USP24: variants seen among roughly 807,000 people sequenced by gnomAD.
USP24 encodes the protein ubiquitin carboxyl-terminal hydrolase 24.
In USP24, 97 loss-of-function variants were observed where a neutral mutation model predicts 361.6. The ratio of observed to expected loss-of-function variants is 0.27; its 90% CI spans 0.23 to 0.32. The LOEUF (loss-of-function observed/expected upper bound fraction) is 0.32, where lower values mean the gene tolerates loss of function less well. USP24 is among the 10% of genes least tolerant of loss of function. The pLI is 1.00. For synonymous variants in USP24, 1,098 were observed against 1,124.6 expected, an observed-to-expected ratio of 0.98 and a Z score of 0.47; for missense variants, 2,353 against 3,165.6, an observed-to-expected ratio of 0.74 and a Z score of 6.16.
At chr1:55,073,238 T>TA (rs142132826) in intron 64 of USP24, among the ~76,000 whole-genome samples, 7 of 149,560 alleles carry the variant, frequency 4.7e-5, no homozygotes, top group East Asian at 1.9e-4. Flanking sequence ...TCACCACAAT[T>TA]AAAAAAAAAA....
intron 21 of USP24, among the ~76,000 whole-genome samples, chr1:55,143,752 C>T (rs567816696): frequency 1.3e-5 from 2 of 151,938 alleles, no homozygotes; most frequent in Non-Finnish European, 2.9e-5. Flanking sequence ...GATCCCAGGA[C>T]GAAGACTGTT....
intron 67 of USP24, chr1:55,071,006 G>T: frequency 2.7e-6 from 1 of 367,212 alleles, no homozygotes; most frequent in Non-Finnish European, 3.8e-6. Context: ...ATGAGGTAAT[G>T]TGTGGAGTGA....
At chr1:55,128,479 T>C (rs1646498972) in intron 32 of USP24, among the ~76,000 whole-genome samples, 1 of 152,192 alleles carries the variant, frequency 6.6e-6, no homozygotes, top group African/African-American at 2.4e-5. Flanking sequence ...AGACAGGCGA[T>C]GCGTCTTCAT....
At chr1:55,117,619 T>C (rs895791683) in intron 38 of USP24, among the ~76,000 whole-genome samples, 1 of 151,626 alleles carries the variant, frequency 6.6e-6, no homozygotes, top group African/African-American at 2.4e-5. Flanking sequence ...TCCCAGCTAC[T>C]CGGGAGGCTG....
At chr1:55,127,969 G>A (rs1040021032) in intron 32 of USP24, among the ~76,000 whole-genome samples, 1 of 152,000 alleles carries the variant, frequency 6.6e-6, no homozygotes, top group African/African-American at 2.4e-5. Context: ...TTACTCACAC[G>A]CTCCCAAATC....
chr1:55,162,377 A>G (rs1185895817), intron 7 of USP24, 113 bp from the exon 8 acceptor site: 1 of 813,184 alleles, frequency 1.2e-6, no homozygotes, highest in Non-Finnish European at 1.8e-6. Flanking sequence ...GAGTTGATCA[A>G]GTCATGAATA....
intron 23 of USP24, 29 bp downstream of exon 23, chr1:55,142,713 A>C: frequency 3.6e-6 from 5 of 1,405,112 alleles, no homozygotes; most frequent in Non-Finnish European, 4.8e-6. Flanking sequence ...TTTACCTCAA[A>C]GAGATGTTAA....
chr1:55,101,413 A>G (rs551009056), intron 43 of USP24, among the ~76,000 whole-genome samples, 171 bp downstream of exon 43: 2 of 152,104 alleles, frequency 1.3e-5, no homozygotes, highest in Admixed American at 1.3e-4. Context: ...GCAACTTTAT[A>G]AAAATGTGTG....
intron 20 of USP24, among the ~76,000 whole-genome samples, chr1:55,145,635 T>G (rs542366638): frequency 6.6e-6 from 1 of 152,316 alleles, no homozygotes; most frequent in South Asian, 2.1e-4. Context: ...CTTTAAAAAG[T>G]GAGTTTCATG....
intron 11 of USP24, 100 bp downstream of exon 11, chr1:55,157,156 G>T: frequency 7.5e-7 from 1 of 1,340,904 alleles, no homozygotes; most frequent in Non-Finnish European, 1.0e-6. Context: ...ATCATTTAAA[G>T]ACTAATACAG....
At chr1:55,206,933 G>GA (rs2100941465) in intron 1 of USP24, among the ~76,000 whole-genome samples, 1 of 152,240 alleles carries the variant, frequency 6.6e-6, no homozygotes, top group South Asian at 2.1e-4. Flanking sequence ...TGAGGAGGCT[G>GA]AGGCAGGCAG....
At chr1:55,181,049 G>GT (rs1163741694) in intron 1 of USP24, among the ~76,000 whole-genome samples, 9 of 147,316 alleles carry the variant, frequency 6.1e-5, no homozygotes, top group Non-Finnish European at 9.0e-5. Flanking sequence ...ACACTAGTTT[G>GT]TATTTTTTTT....
chr1:55,188,892 G>A (rs765796372), intron 1 of USP24, among the ~76,000 whole-genome samples: 9 of 149,166 alleles, frequency 6.0e-5, no homozygotes, highest in South Asian at 4.3e-4. Flanking sequence ...CCTGGGAGGC[G>A]GAGGTTGTGG....
chr1:55,150,072 T>C (rs1276556099), intron 16 of USP24, among the ~76,000 whole-genome samples: 1 of 152,188 alleles, frequency 6.6e-6, no homozygotes, highest in Non-Finnish European at 1.5e-5. Flanking sequence ...AGAGAAGGTG[T>C]TTAACTTGTA....
At chr1:55,206,222 T>C (rs1013762336) in intron 1 of USP24, among the ~76,000 whole-genome samples, 1 of 152,318 alleles carries the variant, frequency 6.6e-6, no homozygotes, top group South Asian at 2.1e-4. Flanking sequence ...GAGATAAAAA[T>C]AGTCCTGCTC....
chr1:55,177,912 C>T, intron 2 of USP24, 55 bp downstream of exon 2: 1 of 1,497,208 alleles, frequency 6.7e-7, no homozygotes, highest in Non-Finnish European at 9.0e-7. Context: ...TAAGATTAAA[C>T]TCAGGCCTTC....
chr1:55,164,395 T>C (rs1648608915), intron 7 of USP24, among the ~76,000 whole-genome samples: 1 of 152,058 alleles, frequency 6.6e-6, no homozygotes, highest in South Asian at 2.1e-4. Context: ...TTTTAACTAG[T>C]GGGCTTGTGA....
chr1:55,205,154 C>T (rs891762375), intron 1 of USP24, among the ~76,000 whole-genome samples: 1 of 152,140 alleles, frequency 6.6e-6, no homozygotes, highest in Non-Finnish European at 1.5e-5. Flanking sequence ...TGTTTCCATT[C>T]CATCCCTTTG....
rs1645526746 is a variant in USP24 at position 55,097,591 on chromosome 1, A to G, written c.5715+7T>C. 1 of 1,531,748 alleles carries G rather than the reference A, an allele frequency of 6.5e-7. No individual in the cohort carries two copies. The highest frequency in any genetic ancestry group is 8.7e-7 in the Non-Finnish European group (1 of 1,143,176). The allele number at this position is 1,531,748 out of a possible 1,614,324, so 94.9% of individuals were successfully genotyped here. On this transcript the variant is annotated splice_region_variant and intron_variant, in intron 48 of 67. Coordinates refer to ENST00000294383, the MANE Select transcript of USP24 (RefSeq NM_015306.3). ...TTGTGAAAAATTTCAGGAAGAAAAA[A>G]AGTTACCCTTATTTGTTCATCATAT...
Sources: gnomAD v4.1 joint callset for allele counts (sites outside exome capture counted in the v4.1 genomes callset) on GRCh38, gnomAD v4.1.1 for gene constraint, MANE v1.5 for transcripts, NCBI Gene and HGNC (gene_info 2026-07-23, HGNC 2026-07-21) for gene names.